Variants in RAB3C observed in about 807,000 individuals in gnomAD.
The protein encoded by RAB3C is ras-related protein Rab-3C.
In RAB3C, 17 loss-of-function variants were observed where a neutral mutation model predicts 26.4. The ratio of observed to expected loss-of-function variants is 0.64; its 90% confidence interval spans 0.44 to 0.97. RAB3C has a LOEUF of 0.97. Ranked by LOEUF, RAB3C falls within the 50% of genes least tolerant of loss-of-function variation. The pLI, the probability that RAB3C is intolerant of heterozygous loss-of-function variation, is 0.00. For missense variants in RAB3C, 242 were observed against 281.9 expected (o/e 0.86, Z 1.01); for synonymous variants, 91 against 95.9 (o/e 0.95, Z 0.30).
At chr5:58,781,471 C>T (rs1742268598) in intron 3 of RAB3C, among the ~76,000 whole-genome samples, 1 of 151,640 alleles carries the variant, frequency 6.6e-6, no homozygotes, top group Non-Finnish European at 1.5e-5. Flanking sequence ...AGCATGGTTC[C>T]TAACTACAGT....
rs188160709 is a variant in RAB3C at position 58,661,919 on chromosome 5, T to A, written c.252+44049T>A. 5.8e-4 allele frequency among the ~76,000 whole-genome samples: 87 copies of A among 149,912 alleles called. 10 individuals are homozygous for A. Among genetic ancestry groups the A allele is most frequent in the African/African-American group, 2.2e-3 (86 of 39,338 alleles). On this transcript the variant is annotated intron_variant, in intron 2 of 4. Transcript: ENST00000282878. ...AAAGAAACTAGAATATTAATCATTTTTAGTGTGAGCAGGAAAAGACTTAGC... is the reference window on the plus strand; with the variant it reads ...AAAGAAACTAGAATATTAATCATTTATAGTGTGAGCAGGAAAAGACTTAGC...
At chr5:58,624,470 G>T (rs1210903310) in intron 2 of RAB3C, among the ~76,000 whole-genome samples, 3 of 152,162 alleles carry the variant, frequency 2.0e-5, no homozygotes, top group Non-Finnish European at 2.9e-5. Context: ...TTTACAGTTT[G>T]CCAGTCCTCT....
intron 3 of RAB3C, among the ~76,000 whole-genome samples, chr5:58,750,148 A>G (rs925220457): frequency 6.6e-6 from 1 of 152,312 alleles, no homozygotes; most frequent in African/African-American, 2.4e-5. Context: ...ATATTTTGCT[A>G]TATTACAGGG....
At chr5:58,785,452 C>T (rs448913) in intron 3 of RAB3C, among the ~76,000 whole-genome samples, 119,356 of 152,174 alleles carry the variant, frequency 0.78, 46,969 homozygotes, top group African/African-American at 0.83. Flanking sequence ...TGCATATTAC[C>T]TCTGTACAAA....
intron 2 of RAB3C, among the ~76,000 whole-genome samples, chr5:58,624,921 C>A (rs1470771474): frequency 6.6e-6 from 1 of 152,082 alleles, no homozygotes; most frequent in African/African-American, 2.4e-5. Flanking sequence ...ATTCAGTGAT[C>A]CCTAATGTGC....
chr5:58,736,704 C>T (rs1446350007), intron 3 of RAB3C, among the ~76,000 whole-genome samples: 1 of 152,142 alleles, frequency 6.6e-6, no homozygotes, highest in Non-Finnish European at 1.5e-5. Flanking sequence ...TTGGGGCCTA[C>T]CCTAATAACC....
At chr5:58,660,267 A>G (rs918397748) in intron 2 of RAB3C, among the ~76,000 whole-genome samples, 1 of 150,368 alleles carries the variant, frequency 6.7e-6, no homozygotes, top group Non-Finnish European at 1.5e-5. Flanking sequence ...GCAGTGCATT[A>G]TGGAAATTCT....
At chr5:58,689,372 T>C (rs2591924) in intron 2 of RAB3C, 1 of 151,914 alleles carries the variant, frequency 6.6e-6, no homozygotes, top group Non-Finnish European at 1.5e-5. Flanking sequence ...CTGGCTTAAG[T>C]ATGAGATCCT....
intron 1 of RAB3C, among the ~76,000 whole-genome samples, chr5:58,588,023 A>G (rs1232435141): frequency 1.3e-5 from 2 of 152,168 alleles, no homozygotes; most frequent in Non-Finnish European, 2.9e-5. Flanking sequence ...ATGTTGTTGC[A>G]TGTTTCAATA....
intron 2 of RAB3C, among the ~76,000 whole-genome samples, chr5:58,653,296 C>CA (rs1237834735): frequency 6.6e-6 from 1 of 152,116 alleles, no homozygotes; most frequent in African/African-American, 2.4e-5. Flanking sequence ...AGTCAGGAAA[C>CA]AACAGATGCT....
chr5:58,764,170 A>G (rs1741851466), intron 3 of RAB3C, among the ~76,000 whole-genome samples: 1 of 152,182 alleles, frequency 6.6e-6, no homozygotes. Context: ...ATCAAACTTC[A>G]GAGAGGGGGA....
intron 2 of RAB3C, among the ~76,000 whole-genome samples, chr5:58,683,830 T>A (rs1748394200): frequency 6.6e-6 from 1 of 152,194 alleles, no homozygotes; most frequent in African/African-American, 2.4e-5. Flanking sequence ...AGATCAACTG[T>A]CCCAATATCG....
intron 3 of RAB3C, among the ~76,000 whole-genome samples, chr5:58,733,298 C>T (rs1741066038): frequency 6.6e-6 from 1 of 152,076 alleles, no homozygotes; most frequent in Admixed American, 6.6e-5. Context: ...AAAACGCAGA[C>T]CTAGTGAAGT....
intron 3 of RAB3C, among the ~76,000 whole-genome samples, chr5:58,799,589 C>T (rs1210934533): frequency 6.6e-6 from 1 of 152,164 alleles, no homozygotes; most frequent in Non-Finnish European, 1.5e-5. Context: ...CTAAGTCCCT[C>T]ATGACTGAAA....
chr5:58,594,936 C>A (rs1746216253), intron 1 of RAB3C, among the ~76,000 whole-genome samples: 1 of 149,552 alleles, frequency 6.7e-6, no homozygotes, highest in African/African-American at 2.5e-5. Context: ...TACCACATAG[C>A]ACTGGATATG....
intron 3 of RAB3C, among the ~76,000 whole-genome samples, chr5:58,811,454 T>G (rs1443165236): frequency 1.3e-5 from 2 of 151,722 alleles, no homozygotes; most frequent in African/African-American, 2.4e-5. Flanking sequence ...TTGGAAACAT[T>G]TATTGAGAGG....
chr5:58,716,426 G>A (rs1426264977), intron 2 of RAB3C, among the ~76,000 whole-genome samples: 3 of 152,092 alleles, frequency 2.0e-5, no homozygotes, highest in Non-Finnish European at 4.4e-5. Flanking sequence ...AAGAGGACTA[G>A]ACTTTGGATA....
chr5:58,797,221 T>C (rs928496765), intron 3 of RAB3C, among the ~76,000 whole-genome samples: 2 of 151,584 alleles, frequency 1.3e-5, no homozygotes, highest in East Asian at 3.9e-4. Flanking sequence ...AATCCAGTTT[T>C]TTGGATACAT....
At position 58,659,684 on chromosome 5, in the gene RAB3C, A is replaced by T. The variant is rs116913300; in HGVS notation, c.252+41814A>T. Reference sequence around the variant, plus strand: ...CTGATTTTCTTATAGAAAAGAAAGTAAGTCTGAAAACTTGTCAATATTAAA... The same window carrying T: ...CTGATTTTCTTATAGAAAAGAAAGTTAGTCTGAAAACTTGTCAATATTAAA... On this transcript the variant is annotated intron_variant, in intron 2 of 4. Coordinates refer to ENST00000282878, the MANE Select transcript of RAB3C (RefSeq NM_138453.4). 1.9e-4 allele frequency among the ~76,000 whole-genome samples: 29 copies of T among 152,232 alleles called. No individual in the cohort carries two copies. The East Asian group carries it at 4.7e-3, about 25-fold the overall frequency.
Sources: allele counts gnomAD v4.1 joint callset (sites outside exome capture counted in the v4.1 genomes callset), GRCh38; gene constraint gnomAD v4.1.1; transcripts MANE v1.5; gene names NCBI Gene and HGNC (gene_info 2026-07-23, HGNC 2026-07-21).